NARS2: variants seen among roughly 807,000 people sequenced by gnomAD.
The protein encoded by NARS2 is asparaginyl-tRNA synthetase 2, mitochondrial, also known as asparaginyl-tRNA synthetase.
A neutral mutation model predicts 62.9 loss-of-function variants in NARS2; 60 were observed. The ratio of observed to expected loss-of-function variants is 0.95; its 90% CI spans 0.77 to 1.18. NARS2 has a LOEUF of 1.18. NARS2 is among the 50% of genes most tolerant of loss of function. The probability of loss-of-function intolerance (pLI) is 0.00; values close to 1 mark genes in which losing one functional copy is unlikely to be tolerated. For missense variants in NARS2, 619 were observed against 576.4 expected (o/e 1.07, Z -0.76); for synonymous variants, 196 against 200.0 (o/e 0.98, Z 0.17).
chr11:78,477,553 G>A (rs1859154298), intron 9 of NARS2, among the ~76,000 whole-genome samples: 2 of 152,210 alleles, frequency 1.3e-5, no homozygotes, highest in Admixed American at 1.3e-4. Context: ...CCTGGTCTGT[G>A]ATGGTTAATT....
chr11:78,460,629 T>C (rs1858357640), intron 11 of NARS2, among the ~76,000 whole-genome samples: 1 of 152,208 alleles, frequency 6.6e-6, no homozygotes, highest in Non-Finnish European at 1.5e-5. Flanking sequence ...GGAAGACTTC[T>C]GAGATGACTC....
chr11:78,514,899 A>G (rs1329067170), intron 6 of NARS2, among the ~76,000 whole-genome samples: 1 of 152,238 alleles, frequency 6.6e-6, no homozygotes, highest in Non-Finnish European at 1.5e-5. Context: ...AAGCTAGTAA[A>G]AATGAAGTTA....
intron 9 of NARS2, among the ~76,000 whole-genome samples, chr11:78,469,891 A>G (rs1404824783): frequency 2.0e-5 from 3 of 152,208 alleles, no homozygotes; most frequent in African/African-American, 7.2e-5. Context: ...GTGCCATTTT[A>G]GATATGATGG....
intron 5 of NARS2, among the ~76,000 whole-genome samples, chr11:78,537,804 G>A (rs750852041): frequency 5.3e-5 from 8 of 152,156 alleles, no homozygotes; most frequent in Admixed American, 2.0e-4. Flanking sequence ...TCCCTAATAC[G>A]TACGTACATA....
intron 5 of NARS2, among the ~76,000 whole-genome samples, chr11:78,533,677 A>T (rs1015307844): frequency 6.6e-6 from 1 of 152,218 alleles, no homozygotes; most frequent in Non-Finnish European, 1.5e-5. Context: ...CAGGAGTGTC[A>T]GAGCATATCA....
At chr11:78,515,697 A>C (rs1015761750) in intron 6 of NARS2, among the ~76,000 whole-genome samples, 23 of 151,926 alleles carry the variant, frequency 1.5e-4, no homozygotes, top group Admixed American at 1.1e-3. Flanking sequence ...AAAAAAAAAA[A>C]AACAAAACAA....
intron 6 of NARS2, among the ~76,000 whole-genome samples, chr11:78,521,617 C>A (rs1316250076): frequency 6.6e-6 from 1 of 152,152 alleles, no homozygotes; most frequent in East Asian, 1.9e-4. Flanking sequence ...GGTGAAACCT[C>A]GCCTCTACTA....
chr11:78,487,093 C>G (rs552631080), intron 7 of NARS2, among the ~76,000 whole-genome samples: 1 of 152,020 alleles, frequency 6.6e-6, no homozygotes, highest in Admixed American at 6.6e-5. Flanking sequence ...TGGTGGCTCA[C>G]GCCTGTAATC....
intron 5 of NARS2, among the ~76,000 whole-genome samples, chr11:78,546,346 A>G (rs1407499934): frequency 6.6e-6 from 1 of 152,214 alleles, no homozygotes; most frequent in African/African-American, 2.4e-5. Flanking sequence ...AAAGGCAAGG[A>G]TATTTCATTT....
rs181458936 is a variant in NARS2, at chr11:78,542,891, C to T, written c.595-13955G>A. Among the ~76,000 whole-genome samples the T allele has an allele frequency of 4.6e-5, 7 of 152,286 alleles. No homozygotes were observed. In the East Asian group the frequency reaches 5.8e-4, roughly 13 times the overall value. On this transcript the variant is annotated intron_variant, in intron 5 of 13. Coordinates refer to ENST00000281038, the MANE Select transcript of NARS2 (RefSeq NM_024678.6). The stretch of plus-strand genomic sequence containing the variant: ...CTGCACTCCCAACAGGGCGACAGAG[C>T]GAGACCTTGGGTCAAAACAAACCCC...
At chr11:78,492,901 T>C (rs1859886556) in intron 7 of NARS2, among the ~76,000 whole-genome samples, 162 bp downstream of exon 7, 1 of 152,244 alleles carries the variant, frequency 6.6e-6, no homozygotes, top group Non-Finnish European at 1.5e-5. Flanking sequence ...ACTCTTGTAT[T>C]TTAAACTATT....
At chr11:78,544,192 A>T (rs1375537840) in intron 5 of NARS2, among the ~76,000 whole-genome samples, 1 of 152,088 alleles carries the variant, frequency 6.6e-6, no homozygotes, top group Admixed American at 6.6e-5. Context: ...TCCATATAGC[A>T]GCCAGAATGA....
intron 11 of NARS2, among the ~76,000 whole-genome samples, chr11:78,461,602 TAAAAAA>T (rs59664343): frequency 1.1e-4 from 7 of 64,076 alleles, no homozygotes; most frequent in Admixed American, 2.0e-4. Flanking sequence ...GCTGTGCTGG[TAAAAAA>T]AAAAAAAAAA....
intron 6 of NARS2, among the ~76,000 whole-genome samples, chr11:78,512,756 T>C (rs12283113): frequency 0.053 from 8,097 of 152,218 alleles, 659 homozygotes; most frequent in African/African-American, 0.18. Flanking sequence ...CTATCTCATA[T>C]TCTTTTAAAA....
intron 2 of NARS2, among the ~76,000 whole-genome samples, chr11:78,570,118 A>G (rs1298988738): frequency 6.6e-6 from 1 of 152,094 alleles, no homozygotes; most frequent in East Asian, 1.9e-4. Context: ...CGAACTCATG[A>G]GGCAGAGGTT....
At chr11:78,520,970 A>G (rs1049735418) in intron 6 of NARS2, among the ~76,000 whole-genome samples, 3 of 151,338 alleles carry the variant, frequency 2.0e-5, no homozygotes, top group African/African-American at 7.3e-5. Flanking sequence ...AGGCAGGAAA[A>G]TCGCTTGAAC....
chr11:78,449,733 A>G (rs563001018), intron 11 of NARS2, among the ~76,000 whole-genome samples: 21 of 152,310 alleles, frequency 1.4e-4, no homozygotes, highest in East Asian at 7.7e-4. Flanking sequence ...ACTGTGGGAT[A>G]TTGAGAAGCA....
intron 11 of NARS2, among the ~76,000 whole-genome samples, chr11:78,453,305 T>C (rs1028990419): frequency 6.6e-6 from 1 of 152,202 alleles, no homozygotes; most frequent in Non-Finnish European, 1.5e-5. Context: ...GTTTTGATTC[T>C]GCTTAAGTCA....
Position 78,574,526 on chromosome 11 carries a change from AC to A in NARS2, c.-39del, listed in dbSNP as rs745871921. The stretch of plus-strand genomic sequence containing the variant: ...CAGGCCCTCCGCGGGAGCAGCCCAG[AC>A]CCCACGGTTCGAACCCCGCCTGCAG... On this transcript the variant is annotated 5_prime_UTR_variant, in exon 1 of 14. Coordinates refer to ENST00000281038, the MANE Select transcript of NARS2 (RefSeq NM_024678.6). 2 of 1,554,188 alleles carry A rather than the reference AC, an allele frequency of 1.3e-6. No individual in the cohort carries two copies. The highest frequency in any genetic ancestry group is 1.7e-6 in the Non-Finnish European group (2 of 1,152,550).
Sources: allele counts gnomAD v4.1 joint callset (sites outside exome capture counted in the v4.1 genomes callset), GRCh38; gene constraint gnomAD v4.1.1; transcripts MANE v1.5; gene names NCBI Gene and HGNC (gene_info 2026-07-23, HGNC 2026-07-21).